The following TAMM41 variants were observed in gnomAD, a reference collection of about 807,000 sequenced individuals.
The protein encoded by TAMM41 is phosphatidate cytidylyltransferase, mitochondrial.
Under a neutral mutation model 44.1 loss-of-function variants are expected in TAMM41, and 36 were observed. The ratio of observed to expected loss-of-function variants is 0.82; its 90% CI spans 0.63 to 1.08. The LOEUF (loss-of-function observed/expected upper bound fraction) is 1.08. Among genes scored for constraint, TAMM41 ranks in the 50% least tolerant of loss-of-function variants. The probability of loss-of-function intolerance (pLI) is 0.00; values close to 1 mark genes in which losing one functional copy is unlikely to be tolerated. For synonymous variants in TAMM41, 164 were observed against 153.1 expected (o/e 1.07, Z -0.53); for missense variants, 417 against 404.3 (o/e 1.03, Z -0.27).
chr3:11,738,649 G>C, the TAMM41 span, among the ~76,000 whole-genome samples: 27 of 151,984 alleles, frequency 1.8e-4, no homozygotes, highest in Non-Finnish European at 3.8e-4. Flanking sequence ...TCCATTCCTG[G>C]GTAATTCTGT....
chr3:11,765,921 C>T, the TAMM41 span, among the ~76,000 whole-genome samples: 12 of 151,922 alleles, frequency 7.9e-5, no homozygotes, highest in African/African-American at 1.9e-4. Flanking sequence ...AGGCTGGTCT[C>T]GAACCCCTGG....
the TAMM41 span, among the ~76,000 whole-genome samples, chr3:11,752,395 AT>A: frequency 6.6e-6 from 1 of 151,942 alleles, no homozygotes; most frequent in Non-Finnish European, 1.5e-5. Context: ...TTATTCCTTT[AT>A]TTGTCCCTGC....
At chr3:11,760,945 T>C in the TAMM41 span, among the ~76,000 whole-genome samples, 2,170 of 151,728 alleles carry the variant, frequency 0.014, 41 homozygotes, top group African/African-American at 0.05. Flanking sequence ...GGTGGGCAGA[T>C]CATGAGGTCA....
At chr3:11,782,146 A>G in the TAMM41 span, among the ~76,000 whole-genome samples, 1 of 152,244 alleles carries the variant, frequency 6.6e-6, no homozygotes, top group African/African-American at 2.4e-5. Flanking sequence ...ATGGGGTGTG[A>G]TACTGGAAAG....
chr3:11,760,603 C>A, the TAMM41 span, among the ~76,000 whole-genome samples: 1 of 151,514 alleles, frequency 6.6e-6, no homozygotes, highest in African/African-American at 2.4e-5. Context: ...CTCTGTTGCC[C>A]AGGCTGGAGT....
the TAMM41 span, among the ~76,000 whole-genome samples, chr3:11,763,633 C>G: frequency 1.0e-3 from 158 of 152,336 alleles, 1 homozygote; most frequent in African/African-American, 3.6e-3. Context: ...AAGAAAATCA[C>G]AGTAATTTCC....
chr3:11,762,354 G>A, the TAMM41 span, among the ~76,000 whole-genome samples: 1 of 151,922 alleles, frequency 6.6e-6, no homozygotes, highest in Non-Finnish European at 1.5e-5. Flanking sequence ...AACTGTCTAC[G>A]TTGCTGACAC....
At chr3:11,827,692 TAAAA>T (rs922205661) in intron 4 of TAMM41, among the ~76,000 whole-genome samples, 3 of 113,194 alleles carry the variant, frequency 2.7e-5, no homozygotes, top group African/African-American at 9.9e-5. Flanking sequence ...AAATAAAAAA[TAAAA>T]AAAGATAAAG....
chr3:11,744,116 G>A, the TAMM41 span, among the ~76,000 whole-genome samples: 1 of 152,022 alleles, frequency 6.6e-6, no homozygotes, highest in Non-Finnish European at 1.5e-5. Flanking sequence ...TGCCCAGGTT[G>A]GAGTGCAATG....
At chr3:11,727,668 G>A in the TAMM41 span, among the ~76,000 whole-genome samples, 7 of 151,906 alleles carry the variant, frequency 4.6e-5, no homozygotes, top group East Asian at 3.9e-4. Flanking sequence ...GTTTTGCCAC[G>A]TTGCCCAGGC....
At chr3:11,772,222 C>T in the TAMM41 span, among the ~76,000 whole-genome samples, 3 of 151,118 alleles carry the variant, frequency 2.0e-5, no homozygotes, top group South Asian at 4.2e-4. Context: ...AGGCGCCTGC[C>T]ACCACAGCTG....
intron 7 of TAMM41, among the ~76,000 whole-genome samples, chr3:11,801,194 A>C (rs544866724): frequency 4.4e-4 from 67 of 152,334 alleles, no homozygotes; most frequent in African/African-American, 1.4e-3. Context: ...TAAAAAATCA[A>C]AATCAAGTAT....
At chr3:11,829,439 A>G (rs1260804656) in intron 4 of TAMM41, among the ~76,000 whole-genome samples, 3 of 152,218 alleles carry the variant, frequency 2.0e-5, no homozygotes, top group Non-Finnish European at 4.4e-5. Flanking sequence ...AGTTTTCTGT[A>G]TTATTCTTGA....
At chr3:11,829,577 G>T in intron 4 of TAMM41, 137 bp downstream of exon 4, 1 of 949,858 alleles carries the variant, frequency 1.1e-6, no homozygotes, top group Non-Finnish European at 1.6e-6. Flanking sequence ...CACGAGGTTA[G>T]TGCAGGAACC....
chr3:11,818,985 G>A (rs1288827479), intron 4 of TAMM41, among the ~76,000 whole-genome samples: 1 of 151,950 alleles, frequency 6.6e-6, no homozygotes, highest in Non-Finnish European at 1.5e-5. Flanking sequence ...GTGAGCAGAA[G>A]CGAGTCCCAG....
the TAMM41 span, among the ~76,000 whole-genome samples, chr3:11,722,228 G>C: frequency 6.6e-6 from 1 of 152,090 alleles, no homozygotes; most frequent in Non-Finnish European, 1.5e-5. Context: ...GATGTGACCA[G>C]TCTTCGACCT....
chr3:11,743,336 T>TC, the TAMM41 span, among the ~76,000 whole-genome samples: 5 of 30,090 alleles, frequency 1.7e-4, no homozygotes, highest in Non-Finnish European at 2.7e-4. Context: ...TAATAATCTC[T>TC]TTTTTTTTTT....
the TAMM41 span, among the ~76,000 whole-genome samples, chr3:11,748,219 G>T: frequency 1.3e-5 from 2 of 151,344 alleles, no homozygotes; most frequent in Non-Finnish European, 2.9e-5. Flanking sequence ...TCCCTCTTCA[G>T]CCTCAAAGTA....
At chr3:11,834,969 T>A (rs1268128414) in intron 3 of TAMM41, among the ~76,000 whole-genome samples, 1 of 152,228 alleles carries the variant, frequency 6.6e-6, no homozygotes, top group Non-Finnish European at 1.5e-5. Context: ...ATTATAGGCA[T>A]GAGCCACCGC....
Sources: allele counts gnomAD v4.1 joint callset (sites outside exome capture counted in the v4.1 genomes callset), GRCh38; gene constraint gnomAD v4.1.1; transcripts MANE v1.5; gene names NCBI Gene and HGNC (gene_info 2026-07-23, HGNC 2026-07-21).